MDGA2: variants seen among roughly 807,000 people sequenced by gnomAD.
MDGA2 encodes the protein MAM domain containing glycosylphosphatidylinositol anchor 2.
MDGA2 carries 40 observed loss-of-function variants against 117.8 expected under a neutral mutation model. The observed-to-expected ratio is 0.34, with a 90% CI of 0.26 to 0.44. The LOEUF (loss-of-function observed/expected upper bound fraction) is 0.44. MDGA2 is among the 20% of genes least tolerant of loss of function. MDGA2 has a pLI of 1.00. For missense variants in MDGA2, 1,123 were observed against 1,250.6 expected, an observed-to-expected ratio of 0.90 and a Z score of 1.54; for synonymous variants, 452 against 439.0, an observed-to-expected ratio of 1.03 and a Z score of -0.37.
chr14:47,459,535 CTCTT>C (rs5808400), intron 1 of MDGA2, among the ~76,000 whole-genome samples: 46,530 of 149,762 alleles, frequency 0.31, 7,724 homozygotes, highest in East Asian at 0.58. Flanking sequence ...TCCCTCCCTT[CTCTT>C]TCTTTCTTCC....
intron 1 of MDGA2, among the ~76,000 whole-genome samples, chr14:47,636,285 C>G (rs983362181): frequency 6.6e-6 from 1 of 152,120 alleles, no homozygotes; most frequent in Non-Finnish European, 1.5e-5. Context: ...CTATTAAAAG[C>G]AACAACTTCT....
At chr14:46,912,364 C>T (rs554626438) in intron 10 of MDGA2, among the ~76,000 whole-genome samples, 6 of 152,258 alleles carry the variant, frequency 3.9e-5, no homozygotes, top group Admixed American at 3.9e-4. Context: ...CTACTGTCTT[C>T]AGATGAAAAA....
chr14:46,896,244 A>T (rs1360386234), intron 10 of MDGA2, among the ~76,000 whole-genome samples: 3 of 152,132 alleles, frequency 2.0e-5, no homozygotes, highest in Non-Finnish European at 4.4e-5. Context: ...CTTTAATTCA[A>T]TTATTGACAA....
chr14:47,372,695 T>C (rs1389611670), intron 1 of MDGA2, among the ~76,000 whole-genome samples: 1 of 151,984 alleles, frequency 6.6e-6, no homozygotes. Flanking sequence ...GATTCAGTCA[T>C]CCTAATTTGG....
At chr14:47,109,161 A>T (rs532995260) in intron 5 of MDGA2, among the ~76,000 whole-genome samples, 1 of 152,220 alleles carries the variant, frequency 6.6e-6, no homozygotes, top group East Asian at 1.9e-4. Flanking sequence ...TGTCCATAAA[A>T]TTTTCTTGTT....
chr14:47,443,458 G>A (rs937171436), intron 1 of MDGA2, among the ~76,000 whole-genome samples: 1 of 152,058 alleles, frequency 6.6e-6, no homozygotes, highest in African/African-American at 2.4e-5. Context: ...CAAAACAGAT[G>A]AGAAATGGTA....
intron 1 of MDGA2, among the ~76,000 whole-genome samples, chr14:47,386,213 G>A (rs927775077): frequency 9.2e-5 from 14 of 152,004 alleles, no homozygotes; most frequent in Non-Finnish European, 2.1e-4. Flanking sequence ...ACACGGAGGC[G>A]GAAGTTGCAG....
intron 1 of MDGA2, among the ~76,000 whole-genome samples, chr14:47,389,472 T>A (rs1324945935): frequency 6.6e-6 from 1 of 152,172 alleles, no homozygotes; most frequent in Non-Finnish European, 1.5e-5. Context: ...ATTTTTAATC[T>A]ATAGGGTCTT....
At chr14:47,029,518 G>T (rs1029592382) in intron 8 of MDGA2, among the ~76,000 whole-genome samples, 1 of 152,088 alleles carries the variant, frequency 6.6e-6, no homozygotes, top group African/African-American at 2.4e-5. Context: ...CATGTCATTA[G>T]TTGAAGGTAC....
At chr14:47,144,419 T>C (rs1882852210) in intron 3 of MDGA2, 145 bp from the exon 4 acceptor site, 1 of 557,014 alleles carries the variant, frequency 1.8e-6, no homozygotes, top group Admixed American at 3.4e-5. Context: ...ACTCAGCTTA[T>C]TGAATTCATT....
intron 1 of MDGA2, among the ~76,000 whole-genome samples, chr14:47,330,503 G>T (rs1890263710): frequency 6.6e-6 from 1 of 151,820 alleles, no homozygotes; most frequent in Admixed American, 6.6e-5. Context: ...TAAATTTTAA[G>T]CCAGGAAAGC....
At chr14:47,472,848 G>GT (rs2138618697) in intron 1 of MDGA2, among the ~76,000 whole-genome samples, 1 of 152,260 alleles carries the variant, frequency 6.6e-6, no homozygotes, top group Non-Finnish European at 1.5e-5. Context: ...TGGAATGGTT[G>GT]TATGACTTAA....
intron 8 of MDGA2, among the ~76,000 whole-genome samples, chr14:47,013,064 G>C (rs1887951889): frequency 6.6e-6 from 1 of 152,062 alleles, no homozygotes; most frequent in Non-Finnish European, 1.5e-5. Flanking sequence ...ACCACCACCG[G>C]CCTGTGGCGA....
chr14:47,014,539 G>A (rs1206144820), intron 8 of MDGA2, among the ~76,000 whole-genome samples: 1 of 152,190 alleles, frequency 6.6e-6, no homozygotes, highest in Non-Finnish European at 1.5e-5. Flanking sequence ...ATAACTTGCT[G>A]CAGTTTCTAC....
chr14:47,165,507 T>G (rs1320306513), intron 3 of MDGA2, among the ~76,000 whole-genome samples: 1 of 152,154 alleles, frequency 6.6e-6, no homozygotes, highest in African/African-American at 2.4e-5. Flanking sequence ...CCTTCAGGAC[T>G]GTAGAGGTGA....
At chr14:46,919,860 G>C (rs1858171294) in intron 10 of MDGA2, 152 bp downstream of exon 10, 4 of 602,472 alleles carry the variant, frequency 6.6e-6, no homozygotes, top group Non-Finnish European at 1.0e-5. Flanking sequence ...AATATACATA[G>C]GGTGAAAACA....
intron 2 of MDGA2, among the ~76,000 whole-genome samples, chr14:47,279,033 G>A (rs996565614): frequency 4.6e-5 from 7 of 152,094 alleles, no homozygotes; most frequent in African/African-American, 1.7e-4. Context: ...CAATTAGGTT[G>A]CTAGTATATA....
chr14:47,642,763 C>G lies in MDGA2; in HGVS notation c.280+31754G>C, dbSNP rs551324569. 4.6e-5 allele frequency among the ~76,000 whole-genome samples: 7 copies of G among 152,108 alleles called. No homozygotes were observed. In the East Asian group the frequency reaches 1.4e-3, roughly 29 times the overall value. On this transcript the variant is annotated intron_variant, in intron 1 of 16. Transcript: ENST00000399232. Reference sequence around the variant, plus strand: ...ACTTCTGTTAACTAAAAAAGGTTAACTTTGTAAATTTAGCCTCTAGAAGAT... The same window carrying G: ...ACTTCTGTTAACTAAAAAAGGTTAAGTTTGTAAATTTAGCCTCTAGAAGAT...
At chr14:47,385,353 G>A (rs1891732983) in intron 1 of MDGA2, among the ~76,000 whole-genome samples, 1 of 151,688 alleles carries the variant, frequency 6.6e-6, no homozygotes, top group African/African-American at 2.4e-5. Context: ...AATTATTTTA[G>A]TAAAAATTGA....
Sources: gnomAD v4.1 joint callset for allele counts (sites outside exome capture counted in the v4.1 genomes callset) on GRCh38, gnomAD v4.1.1 for gene constraint, MANE v1.5 for transcripts, NCBI Gene and HGNC (gene_info 2026-07-23, HGNC 2026-07-21) for gene names.